The following UBE3C variants were observed in gnomAD, a reference collection of about 807,000 sequenced individuals.
The protein encoded by UBE3C is ubiquitin-protein ligase E3C.
Under a neutral mutation model 129.4 loss-of-function variants are expected in UBE3C, and 42 were observed. The ratio of observed to expected loss-of-function variants is 0.32; its 90% CI spans 0.25 to 0.42. The LOEUF (loss-of-function observed/expected upper bound fraction) is 0.42, where lower values mean the gene tolerates loss of function less well. Among genes scored for constraint, UBE3C ranks in the 10% least tolerant of loss-of-function variants. The pLI is 1.00. For synonymous variants in UBE3C, 510 were observed against 492.4 expected (o/e 1.04, Z -0.47); for missense variants, 1,049 against 1,319.1 (o/e 0.80, Z 3.17).
In UBE3C at chr7:157,268,821, C is replaced by T. The variant is rs1797148819; in HGVS notation, c.*1066C>T. 1 of 152,646 alleles carries T rather than the reference C, an allele frequency of 6.6e-6. No homozygotes were observed. Among genetic ancestry groups the T allele is most frequent in the South Asian group, 2.1e-4 (1 of 4,832 alleles). 9.5% of individuals were successfully genotyped at this position (152,646 alleles called of 1,614,324 possible). A position where few individuals can be genotyped will look rare whatever the true frequency, so the allele number is the denominator to read the frequency against. ...AGTAGGCACTTTATCAGGACCTGACCTGTTGCTGGGTGATTTTAGTCTCTA... is the reference window on the plus strand; with the variant it reads ...AGTAGGCACTTTATCAGGACCTGACTTGTTGCTGGGTGATTTTAGTCTCTA... On this transcript the variant is annotated 3_prime_UTR_variant, in exon 23 of 23. Coordinates refer to ENST00000348165, the MANE Select transcript of UBE3C (RefSeq NM_014671.3).
At chr7:157,177,455 G>C (rs1267851310) in intron 5 of UBE3C, among the ~76,000 whole-genome samples, 2 of 152,188 alleles carry the variant, frequency 1.3e-5, no homozygotes, top group African/African-American at 2.4e-5. Context: ...ACTTCTCTCT[G>C]TTGCATTATC....
At chr7:157,258,744 G>A (rs956961617) in intron 22 of UBE3C, among the ~76,000 whole-genome samples, 1 of 152,228 alleles carries the variant, frequency 6.6e-6, no homozygotes, top group Non-Finnish European at 1.5e-5. Flanking sequence ...ACAGGTATGA[G>A]CCATCATGCC....
chr7:157,257,979 G>T (rs1344689433), intron 22 of UBE3C, among the ~76,000 whole-genome samples: 4 of 143,254 alleles, frequency 2.8e-5, no homozygotes, highest in African/African-American at 1.0e-4. Flanking sequence ...ATGAGCACTC[G>T]CTGTATCACC....
rs192717958 is a variant in UBE3C at position 157,170,187 on chromosome 7, G to A, written c.196-117G>A. On this transcript the variant is annotated intron_variant, in intron 3 of 22. Transcript: ENST00000348165. ...CAACTGTGAGCAAGGACCGATAATGGTGTTTTCGTTGTCAATTTCCACCAT... is the reference window on the plus strand; with the variant it reads ...CAACTGTGAGCAAGGACCGATAATGATGTTTTCGTTGTCAATTTCCACCAT... The A allele has an allele frequency of 3.5e-6, 3 of 865,700 alleles. No homozygotes were observed. In the African/African-American group the frequency reaches 5.3e-5, roughly 15 times the overall value. 53.6% of individuals were successfully genotyped at this position (865,700 alleles called of 1,614,324 possible). A position where few individuals can be genotyped will look rare whatever the true frequency, so the allele number is the denominator to read the frequency against.
chr7:157,256,009 C>A (rs1437546476), intron 21 of UBE3C, among the ~76,000 whole-genome samples: 1 of 152,164 alleles, frequency 6.6e-6, no homozygotes, highest in African/African-American at 2.4e-5. Flanking sequence ...CGTGCAAGCC[C>A]CTTCTCTGCC....
intron 3 of UBE3C, among the ~76,000 whole-genome samples, chr7:157,169,370 A>G (rs1260416886): frequency 6.9e-6 from 1 of 144,832 alleles, no homozygotes; most frequent in Non-Finnish European, 1.5e-5. Flanking sequence ...GTCATGAGAG[A>G]TCCTTTTTTT....
At position 157,245,965 on chromosome 7, in the gene UBE3C, C is replaced by T. The variant is rs139707447; in HGVS notation, c.2482-2403C>T. ...GAGATCGTGCCACTGCACACTCCAG[C>T]CCGGGCAACAGAGGGAGACTCCGTC... On this transcript the variant is annotated intron_variant, in intron 18 of 22. Transcript: ENST00000348165. Among the ~76,000 whole-genome samples the T allele has an allele frequency of 7.6e-3, 1,094 of 143,694 alleles. 17 individuals carry two copies. Among genetic ancestry groups the T allele is most frequent in the African/African-American group, 0.027 (1,039 of 39,076 alleles). The allele number at this position is 143,694 out of a possible 152,430, so 94.3% of individuals were successfully genotyped here. A position where few individuals can be genotyped will look rare whatever the true frequency, so the allele number is the denominator to read the frequency against.
At chr7:157,157,116 G>A (rs556543861) in intron 1 of UBE3C, among the ~76,000 whole-genome samples, 2 of 152,274 alleles carry the variant, frequency 1.3e-5, no homozygotes, top group African/African-American at 4.8e-5. Flanking sequence ...ACACTAGTAA[G>A]TGTCAGCTTC....
At chr7:157,242,690 G>A (rs1220015559) in intron 18 of UBE3C, among the ~76,000 whole-genome samples, 8 of 151,992 alleles carry the variant, frequency 5.3e-5, no homozygotes, top group Admixed American at 4.6e-4. Flanking sequence ...AAATATTTTG[G>A]TGAGCAGGGT....
At chr7:157,175,581 A>G (rs1808496028) in intron 5 of UBE3C, among the ~76,000 whole-genome samples, 1 of 152,232 alleles carries the variant, frequency 6.6e-6, no homozygotes, top group African/African-American at 2.4e-5. Flanking sequence ...CTTATATCTC[A>G]ACTGTAGTAA....
intron 1 of UBE3C, among the ~76,000 whole-genome samples, chr7:157,163,414 A>T (rs151179307): frequency 2.6e-5 from 4 of 151,600 alleles, no homozygotes; most frequent in Admixed American, 2.6e-4. Flanking sequence ...AAGGAAAGAA[A>T]TGATACCCAG....
chr7:157,204,063 T>G (rs968002484), intron 11 of UBE3C, among the ~76,000 whole-genome samples: 1 of 152,166 alleles, frequency 6.6e-6, no homozygotes, highest in Non-Finnish European at 1.5e-5. Flanking sequence ...ACAGAATGGT[T>G]TATGGATACT....
chr7:157,226,551 G>A (rs1035683913), intron 17 of UBE3C, among the ~76,000 whole-genome samples: 12 of 152,282 alleles, frequency 7.9e-5, no homozygotes, highest in African/African-American at 2.9e-4. Flanking sequence ...GTTGTCCAAT[G>A]TGAAATGACA....
intron 10 of UBE3C, chr7:157,189,017 G>A: frequency 1.8e-6 from 1 of 550,628 alleles, no homozygotes; most frequent in Non-Finnish European, 3.3e-6. Context: ...ATGCGTACAT[G>A]AAAACCGGGA....
chr7:157,173,778 G>A (rs1027656322), intron 4 of UBE3C, among the ~76,000 whole-genome samples: 3 of 152,148 alleles, frequency 2.0e-5, no homozygotes, highest in African/African-American at 7.2e-5. Flanking sequence ...ATGTCAGATG[G>A]TGAAGGGAGT....
chr7:157,141,833 C>T (rs899511958), intron 1 of UBE3C, among the ~76,000 whole-genome samples: 2 of 152,298 alleles, frequency 1.3e-5, no homozygotes, highest in Middle Eastern at 3.4e-3. Flanking sequence ...GGACTCCATC[C>T]GCCTCGGTGC....
At chr7:157,223,935 CTT>C (rs1795805103) in intron 16 of UBE3C, among the ~76,000 whole-genome samples, 1 of 152,116 alleles carries the variant, frequency 6.6e-6, no homozygotes, top group Non-Finnish European at 1.5e-5. Flanking sequence ...GGGGAAGAAA[CTT>C]TGCATTGTTT....
In UBE3C at chr7:157,169,745, G is replaced by A. The variant is rs543453207; in HGVS notation, c.196-559G>A. 2.5e-4 allele frequency among the ~76,000 whole-genome samples: 38 copies of A among 152,146 alleles called. No homozygotes were observed. In the East Asian group the frequency reaches 7.3e-3, roughly 29 times the overall value. On this transcript the variant is annotated intron_variant, in intron 3 of 22. Coordinates refer to ENST00000348165, the MANE Select transcript of UBE3C (RefSeq NM_014671.3). ...CACACAGGCTGGAGTGCAGTTGCAC[G>A]ATCTTGGCTCACTGCAAGCTCTGCC...
rs542851872 is a variant in UBE3C, at chr7:157,207,948, T to C, written c.1809+13T>C. The C allele has an allele frequency of 1.4e-6, 2 of 1,447,570 alleles. No homozygotes were observed. The highest frequency in any genetic ancestry group is 4.9e-5 in the East Asian group (2 of 40,760). 89.7% of individuals were successfully genotyped at this position (1,447,570 alleles called of 1,614,324 possible). On this transcript the variant is annotated intron_variant, in intron 13 of 22. Transcript: ENST00000348165. ...TCAGTTATTTAAGGTATAGAGTATA[T>C]GTATTTTTTTGTTTACTGACATTGA...
Sources: allele counts gnomAD v4.1 joint callset (sites outside exome capture counted in the v4.1 genomes callset), GRCh38; gene constraint gnomAD v4.1.1; transcripts MANE v1.5; gene names NCBI Gene and HGNC (gene_info 2026-07-23, HGNC 2026-07-21).